SLC5A11: variants seen among roughly 807,000 people sequenced by gnomAD.
SLC5A11 encodes sodium/myo-inositol cotransporter 2.
A neutral mutation model predicts 69.8 loss-of-function variants in SLC5A11; 48 were observed. The ratio of observed to expected loss-of-function variants is 0.69; its 90% CI spans 0.55 to 0.87. SLC5A11 has a LOEUF of 0.87. Ranked by LOEUF, SLC5A11 falls within the 40% of genes least tolerant of loss-of-function variation. SLC5A11 has a pLI of 0.00. For missense variants in SLC5A11, 784 were observed against 866.1 expected (o/e 0.91, Z 1.19); for synonymous variants, 319 against 342.4 (o/e 0.93, Z 0.75).
At chr16:24,867,303 T>G (rs2046979895) in intron 3 of SLC5A11, among the ~76,000 whole-genome samples, 1 of 151,954 alleles carries the variant, frequency 6.6e-6, no homozygotes, top group Non-Finnish European at 1.5e-5. Flanking sequence ...CAAGACAAAT[T>G]AGAAAATACT....
intron 1 of SLC5A11, 150 bp from the exon 3 acceptor site, chr16:24,858,470 G>A: frequency 1.8e-6 from 1 of 546,942 alleles, no homozygotes; most frequent in South Asian, 3.9e-5. Context: ...TGGATCGATG[G>A]ATGGATCTGT....
rs1417676939 is a variant in SLC5A11 at position 24,859,793 on chromosome 16, A to G, written c.135+1015A>G. On this transcript the variant is annotated intron_variant, in intron 2 of 15. Transcript: ENST00000347898. ...TGATTGTGTTGTAATTTATTTAACT[A>G]GTCTCGGGCTGAAGGTCATTTGGAT... is the stretch of plus-strand genomic sequence containing the variant. 3.9e-5 allele frequency among the ~76,000 whole-genome samples: 6 copies of G among 152,318 alleles called. No individual in the cohort carries two copies. The East Asian group carries it at 9.6e-4, about 24-fold the overall frequency.
At chr16:24,890,610 G>A (rs274078) in intron 8 of SLC5A11, among the ~76,000 whole-genome samples, 29,947 of 151,572 alleles carry the variant, frequency 0.2, 3,658 homozygotes, top group South Asian at 0.39. Flanking sequence ...GGTTTCATGG[G>A]TGAATACTTA....
chr16:24,857,753 G>A (rs1037093761), intron 1 of SLC5A11, among the ~76,000 whole-genome samples: 1 of 152,156 alleles, frequency 6.6e-6, no homozygotes, highest in African/African-American at 2.4e-5. Flanking sequence ...CTGCAGCTAG[G>A]CATCTCCCAA....
chr16:24,887,807 T>C (rs1661023023), intron 8 of SLC5A11, among the ~76,000 whole-genome samples: 1 of 152,176 alleles, frequency 6.6e-6, no homozygotes, highest in African/African-American at 2.4e-5. Flanking sequence ...TGTAACTTGA[T>C]ATAATTTGCA....
At chr16:24,905,276 A>G in intron 10 of SLC5A11, among the ~76,000 whole-genome samples, 1 of 145,548 alleles carries the variant, frequency 6.9e-6, no homozygotes, top group Non-Finnish European at 1.5e-5. Context: ...ATACAAAAAA[A>G]AAAAAAAAAA....
At chr16:24,896,833 G>C (rs8045189) in intron 9 of SLC5A11, among the ~76,000 whole-genome samples, 1,558 of 150,340 alleles carry the variant, frequency 0.01, 33 homozygotes, top group African/African-American at 0.036. Context: ...TGATGACTTA[G>C]TTTCAAAGAG....
intron 9 of SLC5A11, among the ~76,000 whole-genome samples, chr16:24,891,922 TGA>T (rs1372398680): frequency 6.6e-6 from 1 of 151,598 alleles, no homozygotes; most frequent in Admixed American, 6.6e-5. Flanking sequence ...TCAAGGAGAT[TGA>T]GAGTGTGGGA....
chr16:24,906,871 A>G, intron 11 of SLC5A11, 107 bp downstream of exon 12: 2 of 1,383,678 alleles, frequency 1.4e-6, no homozygotes, highest in Non-Finnish European at 9.9e-7. Flanking sequence ...CTGGTGGGGG[A>G]GGAAGACTCT....
At chr16:24,877,701 T>C (rs1379133046) in intron 7 of SLC5A11, among the ~76,000 whole-genome samples, 6 of 151,728 alleles carry the variant, frequency 4.0e-5, no homozygotes, top group Non-Finnish European at 8.8e-5. Context: ...AATAGAAAAA[T>C]TAGGCCAGGC....
chr16:24,911,314 T>C lies in SLC5A11; in HGVS notation c.1823-14T>C. On this transcript the variant is annotated splice_polypyrimidine_tract_variant and intron_variant, in intron 15 of 15. Coordinates refer to ENST00000347898, the Ensembl canonical transcript of SLC5A11. ...GACCACCTCTACGGTCTTCCTTTGC[T>C]GGGTTCTTTCTAGGTGACATGACCC... 1 of 1,613,586 alleles carries C rather than the reference T, an allele frequency of 6.2e-7. No homozygotes were observed. Among genetic ancestry groups the C allele is most frequent in the Admixed American group, 1.7e-5 (1 of 60,012 alleles).
chr16:24,890,724 G>A (rs1453143474), intron 8 of SLC5A11, 145 bp from the exon 10 acceptor site: 2 of 694,240 alleles, frequency 2.9e-6, no homozygotes, highest in Non-Finnish European at 5.1e-6. Flanking sequence ...AAAAAAATGT[G>A]GGGAGGAGGT....
chr16:24,853,910 T>C (rs2059418009), intron 1 of SLC5A11, among the ~76,000 whole-genome samples: 1 of 152,238 alleles, frequency 6.6e-6, no homozygotes. Context: ...TGGGATCCTG[T>C]GGCCGAGGCT....
At chr16:24,901,958 GCACACACACACA>G in intron 10 of SLC5A11, among the ~76,000 whole-genome samples, 1 of 136,676 alleles carries the variant, frequency 7.3e-6, no homozygotes, top group Middle Eastern at 3.6e-3. Flanking sequence ...ACACACACAC[GCACACACACACA>G]CACACACACA....
At chr16:24,883,945 T>A in intron 7 of SLC5A11, 106 bp from the exon 9 acceptor site, 2 of 997,252 alleles carry the variant, frequency 2.0e-6, no homozygotes, top group Non-Finnish European at 3.1e-6. Flanking sequence ...CAGTCAGCAC[T>A]AAGAAATCTC....
At chr16:24,902,287 G>A (rs1174371603) in intron 10 of SLC5A11, among the ~76,000 whole-genome samples, 2 of 151,782 alleles carry the variant, frequency 1.3e-5, no homozygotes, top group Admixed American at 6.6e-5. Context: ...ACATCATAGA[G>A]CCAATCAGAT....
At chr16:24,866,037 A>G (rs2046897225) in intron 3 of SLC5A11, among the ~76,000 whole-genome samples, 1 of 150,222 alleles carries the variant, frequency 6.7e-6, no homozygotes, top group South Asian at 2.2e-4. Flanking sequence ...GTAATTTTAG[A>G]AAATAGTAAC....
intron 14 of SLC5A11, 118 bp from the exon 16 acceptor site, chr16:24,910,188 T>G: frequency 2.1e-6 from 2 of 934,664 alleles, no homozygotes; most frequent in Non-Finnish European, 3.2e-6. Context: ...AGGGTGGGGC[T>G]GGGAGCAGAT....
chr16:24,862,624 C>T, exon 3 of SLC5A11: 3 of 1,613,514 alleles, frequency 1.9e-6, no homozygotes, highest in Non-Finnish European at 2.5e-6. Flanking sequence ...CCAAAAGAGA[C>T]ACAGTGAAAG....
Sources: allele counts gnomAD v4.1 joint callset (sites outside exome capture counted in the v4.1 genomes callset), GRCh38; gene constraint gnomAD v4.1.1; transcripts MANE v1.5; gene names NCBI Gene and HGNC (gene_info 2026-07-23, HGNC 2026-07-21).